PDGFRL: variants seen among roughly 807,000 people sequenced by gnomAD.
PDGFRL encodes the protein platelet-derived growth factor receptor-like protein.
PDGFRL carries 46 observed loss-of-function variants against 37.2 expected under a neutral mutation model. That is an observed-to-expected ratio of 1.24 (90% CI 0.98 to 1.58). PDGFRL has a LOEUF of 1.58. Ranked by LOEUF, PDGFRL falls within the 40% of genes most tolerant of loss-of-function variation. The pLI, the probability that PDGFRL is intolerant of heterozygous loss-of-function variation, is 0.00. For missense variants in PDGFRL, 692 were observed against 467.6 expected (o/e 1.48, Z -4.43); for synonymous variants, 251 against 184.3 (o/e 1.36, Z -2.93).
At chr8:17,590,868 CATT>C (rs993350978) in intron 2 of PDGFRL, among the ~76,000 whole-genome samples, 2 of 134,976 alleles carry the variant, frequency 1.5e-5, no homozygotes, top group African/African-American at 5.3e-5. Context: ...AACTGCTTCT[CATT>C]ATTATTATTA....
At chr8:17,627,288 T>G (rs1044143735) in intron 3 of PDGFRL, among the ~76,000 whole-genome samples, 4 of 152,216 alleles carry the variant, frequency 2.6e-5, no homozygotes, top group African/African-American at 9.6e-5. Context: ...TTGGATGTAG[T>G]TTACAGCTTA....
At chr8:17,641,896 T>TGGGGGGGGGGCCCCCC (rs1805106800) in intron 5 of PDGFRL, among the ~76,000 whole-genome samples, 1 of 103,888 alleles carries the variant, frequency 9.6e-6, no homozygotes, top group Non-Finnish European at 1.8e-5. Flanking sequence ...TCAATAGAGG[T>TGGGGGGGGGGCCCCCC]CCCCGCCACA....
At chr8:17,605,770 T>A (rs1804262250) in intron 2 of PDGFRL, among the ~76,000 whole-genome samples, 2 of 152,242 alleles carry the variant, frequency 1.3e-5, no homozygotes, top group African/African-American at 4.8e-5. Context: ...TCTTTCAGGA[T>A]GTTTTTCTGG....
At position 17,628,498 on chromosome 8, in the gene PDGFRL, C is replaced by T; in HGVS notation, c.517C>T (p.Leu173Phe). The T allele has an allele frequency of 6.2e-7, 1 of 1,613,140 alleles. No individual in the cohort carries two copies. The highest frequency in any genetic ancestry group is 8.5e-7 in the Non-Finnish European group (1 of 1,179,118). Residue 173 changes from leucine (L) to phenylalanine (F), a missense_variant, in exon 4 of 6, where the codon CTC (leucine) becomes TTC (phenylalanine). By Grantham distance (22) the Leu-to-Phe change is conservative. Transcript: ENST00000251630. Reference protein sequence around the residue: ...TYIFFTEKGELFVPSPSYFDV... With the variant: ...TYIFFTEKGEFFVPSPSYFDV... ...CCTTCCCTTTGCAGAGAAAGGAGAA[C>T]TCTTTGTACCTTCTCCCAGCTACTT...
At chr8:17,628,376 C>G in intron 3 of PDGFRL, 111 bp from the exon 4 acceptor site, 1 of 751,520 alleles carries the variant, frequency 1.3e-6, no homozygotes, top group East Asian at 2.5e-5. Context: ...AAAACCCGGC[C>G]TTTCCTACTC....
chr8:17,641,874 C>T (rs909746015), intron 5 of PDGFRL, among the ~76,000 whole-genome samples: 1 of 125,930 alleles, frequency 7.9e-6, no homozygotes, highest in Non-Finnish European at 1.6e-5. Flanking sequence ...ACTTACAGGA[C>T]ATTGATGATT....
intron 2 of PDGFRL, among the ~76,000 whole-genome samples, chr8:17,611,073 G>T (rs761393731): frequency 9.2e-5 from 14 of 152,152 alleles, no homozygotes; most frequent in Non-Finnish European, 1.8e-4. Flanking sequence ...TTTCTTTTGC[G>T]GTACGCAGTG....
intron 5 of PDGFRL, among the ~76,000 whole-genome samples, chr8:17,638,791 G>T (rs1462461380): frequency 1.5e-4 from 15 of 97,792 alleles, no homozygotes; most frequent in African/African-American, 5.1e-4. Context: ...ATATATAATT[G>T]TGATATTTTC....
intron 2 of PDGFRL, among the ~76,000 whole-genome samples, chr8:17,604,995 T>G (rs978174208): frequency 2.0e-5 from 3 of 152,124 alleles, no homozygotes; most frequent in Non-Finnish European, 4.4e-5. Context: ...CGTGTGCCTA[T>G]AGTCGTAGCT....
chr8:17,605,863 G>T (rs941408688), intron 2 of PDGFRL, among the ~76,000 whole-genome samples: 2 of 152,180 alleles, frequency 1.3e-5, no homozygotes, highest in African/African-American at 4.8e-5. Context: ...CTCTTTGATG[G>T]CTGGCTCCTC....
intron 3 of PDGFRL, among the ~76,000 whole-genome samples, chr8:17,627,551 C>A (rs749050553): frequency 2.0e-5 from 3 of 151,652 alleles, no homozygotes; most frequent in Admixed American, 2.0e-4. Context: ...ACAGCAACCT[C>A]TGCTGCCTCC....
chr8:17,607,193 A>G (rs1804300236), intron 2 of PDGFRL, among the ~76,000 whole-genome samples: 1 of 152,004 alleles, frequency 6.6e-6, no homozygotes, highest in Non-Finnish European at 1.5e-5. Context: ...GTGTGTCTCA[A>G]TCCCCTACAA....
At chr8:17,582,661 AAAGGG>A (rs1321720058) in intron 1 of PDGFRL, among the ~76,000 whole-genome samples, 3 of 152,156 alleles carry the variant, frequency 2.0e-5, no homozygotes, top group East Asian at 3.8e-4. Flanking sequence ...TTTATTATGA[AAAGGG>A]AAGCAGAGAG....
At chr8:17,577,152 C>G (rs1440965933), upstream of PDGFRL, 4 of 1,517,916 alleles carry the variant, frequency 2.6e-6, no homozygotes, top group African/African-American at 5.6e-5. Context: ...AATCCTCCCG[C>G]TTCGGCGTCC....
At chr8:17,577,613 C>A (rs558115160) in intron 1 of PDGFRL, among the ~76,000 whole-genome samples, 1 of 151,796 alleles carries the variant, frequency 6.6e-6, no homozygotes, top group African/African-American at 2.4e-5. Context: ...CCTGGTCCAG[C>A]CCCCAGTGTC....
Position 17,582,374 on chromosome 8 carries a change from G to A in PDGFRL, c.55+5067G>A, listed in dbSNP as rs560826909. Among the ~76,000 whole-genome samples, 14 of 152,198 alleles carry A rather than the reference G, an allele frequency of 9.2e-5. No homozygotes were observed. In the South Asian group the frequency reaches 2.9e-3, roughly 32 times the overall value. On this transcript the variant is annotated intron_variant, in intron 1 of 5. Transcript: ENST00000251630. The stretch of plus-strand genomic sequence containing the variant: ...GGAGGCAGGCGGATCATGAGGTCAG[G>A]AGATCGAGACCAGCCTGGGCAACAT...
intron 5 of PDGFRL, among the ~76,000 whole-genome samples, chr8:17,637,079 G>A (rs781678427): frequency 4.6e-5 from 7 of 152,032 alleles, no homozygotes; most frequent in African/African-American, 7.2e-5. Flanking sequence ...GTTTGACTTC[G>A]CTTTATTGAT....
chr8:17,581,234 C>T (rs1317769143), intron 1 of PDGFRL, among the ~76,000 whole-genome samples: 9 of 152,066 alleles, frequency 5.9e-5, no homozygotes, highest in African/African-American at 1.9e-4. Flanking sequence ...AAGCAAACCC[C>T]GGAGGTAGCT....
intron 4 of PDGFRL, among the ~76,000 whole-genome samples, chr8:17,633,401 G>A (rs190194331): frequency 3.3e-5 from 5 of 152,262 alleles, no homozygotes; most frequent in East Asian, 1.9e-4. Flanking sequence ...GTTGGCAGGC[G>A]CCTGTAGTCC....
Sources: gnomAD v4.1 joint callset for allele counts (sites outside exome capture counted in the v4.1 genomes callset) on GRCh38, gnomAD v4.1.1 for gene constraint, MANE v1.5 for transcripts, NCBI Gene and HGNC (gene_info 2026-07-23, HGNC 2026-07-21) for gene names.